The following CCT7 variants were observed in gnomAD, a reference collection of about 807,000 sequenced individuals.
The protein encoded by CCT7 is chaperonin containing TCP1 subunit 7.
In CCT7, 16 loss-of-function variants were observed where a neutral mutation model predicts 56.6. That is an observed-to-expected ratio of 0.28 (90% CI 0.19 to 0.43). The LOEUF (loss-of-function observed/expected upper bound fraction) is 0.43, where lower values mean the gene tolerates loss of function less well. Among genes scored for constraint, CCT7 ranks in the 20% least tolerant of loss-of-function variants. The pLI is 1.00. For synonymous variants in CCT7, 262 were observed against 254.8 expected (o/e 1.03, Z -0.27); for missense variants, 519 against 685.6 (o/e 0.76, Z 2.71).
At chr2:73,235,610 G>C (rs1686844955) in intron 1 of CCT7, 6 of 979,818 alleles carry the variant, frequency 6.1e-6, no homozygotes, top group Non-Finnish European at 7.4e-6. Context: ...TACAGCAGTT[G>C]AGAGTAAGGC....
At chr2:73,246,363 G>A (rs1250245123) in intron 6 of CCT7, among the ~76,000 whole-genome samples, 1 of 152,142 alleles carries the variant, frequency 6.6e-6, no homozygotes, top group African/African-American at 2.4e-5. Flanking sequence ...AGAAATCTGG[G>A]ATCATCCTTG....
At chr2:73,234,901 C>T (rs1436125628) in intron 1 of CCT7, among the ~76,000 whole-genome samples, 11 of 152,220 alleles carry the variant, frequency 7.2e-5, no homozygotes, top group Non-Finnish European at 1.2e-4. Context: ...GAGAAGCAGA[C>T]GCCTTCCCTA....
intron 9 of CCT7, 32 bp from the exon 10 acceptor site, chr2:73,250,274 T>A: frequency 6.2e-7 from 1 of 1,612,750 alleles, no homozygotes; most frequent in South Asian, 1.1e-5. Context: ...CAGACAAGAG[T>A]TCATGTGTGT....
chr2:73,252,786 C>T lies in CCT7; in HGVS notation c.1557C>T (p.Thr519=), dbSNP rs1687653909. ...AACLIVSVDE[T]IKNPRSTVDA... ...GCCTGATCGTGTCTGTAGATGAAAC[C>T]ATCAAGAACCCCCGCTCGACTGTGG... The change falls in exon 12 of 12, where the codon ACC becomes ACT. Residue 519 remains threonine, a synonymous_variant. Transcript: ENST00000258091. 1 of 1,614,134 alleles carries T rather than the reference C, an allele frequency of 6.2e-7. No individual in the cohort carries two copies.
intron 5 of CCT7, 30 bp from the exon 6 acceptor site, chr2:73,244,514 C>T: frequency 6.3e-7 from 1 of 1,582,704 alleles, no homozygotes; most frequent in Non-Finnish European, 8.6e-7. Context: ...GTTTTCAAGA[C>T]CTGATGCAGA....
Position 73,243,136 on chromosome 2 carries a change from C to T in CCT7, c.393+7C>T. On this transcript the variant is annotated splice_region_variant and intron_variant, in intron 4 of 11. Coordinates refer to ENST00000258091, the MANE Select transcript of CCT7 (RefSeq NM_006429.4). ...CCGCACAGCCACCCAGCTGGTATGGCAGTACTGATTAACCTTCTCTTGGGC... is the reference window on the plus strand; with the variant it reads ...CCGCACAGCCACCCAGCTGGTATGGTAGTACTGATTAACCTTCTCTTGGGC... 6.2e-7 allele frequency: 1 copy of T among 1,613,422 alleles called. No homozygotes were observed. The highest frequency in any genetic ancestry group is 8.5e-7 in the Non-Finnish European group (1 of 1,179,506).
At chr2:73,252,475 T>C (rs1375504785) in intron 11 of CCT7, among the ~76,000 whole-genome samples, 165 bp from the exon 12 acceptor site, 2 of 151,808 alleles carry the variant, frequency 1.3e-5, no homozygotes, top group Non-Finnish European at 2.9e-5. Flanking sequence ...TAGGGGTGTT[T>C]CCAGGTTCCT....
intron 7 of CCT7, among the ~76,000 whole-genome samples, chr2:73,248,329 G>C (rs1687432346): frequency 6.6e-6 from 1 of 151,678 alleles, no homozygotes; most frequent in South Asian, 2.1e-4. Flanking sequence ...ACCCACCTTT[G>C]AGCAGTTCTT....
chr2:73,242,964 G>C, intron 3 of CCT7, 40 bp from the exon 4 acceptor site: 1 of 1,612,272 alleles, frequency 6.2e-7, no homozygotes, highest in South Asian at 1.1e-5. Flanking sequence ...TTTATTCCCT[G>C]AACATCAGAA....
In CCT7 at chr2:73,250,457, C is replaced by T. The variant is rs1345722189; in HGVS notation, c.1203+19C>T. 1.2e-6 allele frequency: 2 copies of T among 1,613,052 alleles called. No individual in the cohort carries two copies. The highest frequency in any genetic ancestry group is 1.1e-5 in the South Asian group (1 of 91,014). ...CATCAAGGTACTGGGCTGATATCCTCCTGCTTGCACAGCCTACTCTCTCCT... is the reference window on the plus strand; with the variant it reads ...CATCAAGGTACTGGGCTGATATCCTTCTGCTTGCACAGCCTACTCTCTCCT... On this transcript the variant is annotated intron_variant, in intron 10 of 11. Transcript: ENST00000258091.
At chr2:73,250,210 C>A in intron 9 of CCT7, 96 bp from the exon 10 acceptor site, 3 of 1,446,226 alleles carry the variant, frequency 2.1e-6, no homozygotes, top group South Asian at 1.2e-5. Context: ...AATGTAAGAG[C>A]AGCTGCTGAG....
chr2:73,234,422 C>A (rs778919729), intron 1 of CCT7, 38 bp downstream of exon 1: 3 of 1,612,072 alleles, frequency 1.9e-6, no homozygotes, highest in South Asian at 1.1e-5. Flanking sequence ...CATCAGCTGC[C>A]ATCTGGCCGG....
chr2:73,252,413 C>T (rs1447845337), intron 11 of CCT7, among the ~76,000 whole-genome samples: 1 of 150,058 alleles, frequency 6.7e-6, no homozygotes, highest in East Asian at 2.0e-4. Flanking sequence ...GGGAGAAGAT[C>T]CCAGAGGTCT....
At chr2:73,242,857 T>C in intron 3 of CCT7, 147 bp from the exon 4 acceptor site, 2 of 880,540 alleles carry the variant, frequency 2.3e-6, no homozygotes, top group Non-Finnish European at 3.5e-6. Context: ...TCTTTCTACT[T>C]ATTGCAAAAA....
intron 11 of CCT7, among the ~76,000 whole-genome samples, chr2:73,252,138 G>C (rs1016251945): frequency 6.6e-6 from 1 of 151,936 alleles, no homozygotes. Flanking sequence ...AATAGATAGA[G>C]GTTTGTTAAG....
chr2:73,234,969 C>T (rs75989269), intron 1 of CCT7, among the ~76,000 whole-genome samples: 2 of 152,196 alleles, frequency 1.3e-5, no homozygotes, highest in East Asian at 3.9e-4. Context: ...TCTTTAGTGC[C>T]TACTGAATGT....
intron 1 of CCT7, among the ~76,000 whole-genome samples, chr2:73,237,273 G>A (rs116032286): frequency 9.5e-4 from 144 of 152,314 alleles, no homozygotes; most frequent in African/African-American, 3.4e-3. Context: ...AGTGGTTTTG[G>A]TAGAAGATGG....
chr2:73,234,423 A>T (rs959891674), intron 1 of CCT7, 39 bp downstream of exon 1: 25 of 1,611,804 alleles, frequency 1.6e-5, no homozygotes, highest in Admixed American at 3.3e-5. Context: ...ATCAGCTGCC[A>T]TCTGGCCGGT....
chr2:73,240,341 T>C (rs377403104), intron 2 of CCT7, 96 bp from the exon 3 acceptor site: 4 of 769,384 alleles, frequency 5.2e-6, no homozygotes, highest in South Asian at 3.5e-5. Context: ...CGTGATCCCC[T>C]CTGCCCCATC....
Sources: allele counts gnomAD v4.1 joint callset (sites outside exome capture counted in the v4.1 genomes callset), GRCh38; gene constraint gnomAD v4.1.1; transcripts MANE v1.5; gene names NCBI Gene and HGNC (gene_info 2026-07-23, HGNC 2026-07-21).